Variants in SYT14 observed in about 807,000 individuals in gnomAD.
The protein encoded by SYT14 is synaptotagmin-14.
In SYT14, 32 loss-of-function variants were observed where a neutral mutation model predicts 74.2. The observed-to-expected ratio is 0.43, with a 90% confidence interval of 0.33 to 0.58. SYT14 has a LOEUF of 0.58. Among genes scored for constraint, SYT14 ranks in the 20% least tolerant of loss-of-function variants. The probability of loss-of-function intolerance (pLI) is 0.05; values close to 1 mark genes in which losing one functional copy is unlikely to be tolerated. For missense variants in SYT14, 791 were observed against 981.8 expected, an observed-to-expected ratio of 0.81 and a Z score of 2.60; for synonymous variants, 298 against 337.7, an observed-to-expected ratio of 0.88 and a Z score of 1.29.
exon 10 of SYT14, chr1:210,163,364 A>G (rs1194154130): frequency 2.2e-6 from 1 of 453,588 alleles, no homozygotes; most frequent in Non-Finnish European, 4.4e-6. Flanking sequence ...AAATTAATAA[A>G]CAGTTTTTTA....
intron 2 of SYT14, among the ~76,000 whole-genome samples, chr1:210,006,382 A>G (rs1315810385): frequency 6.6e-6 from 1 of 151,986 alleles, no homozygotes; most frequent in Non-Finnish European, 1.5e-5. Flanking sequence ...ATTATCTCTT[A>G]GAATTATGAA....
intron 7 of SYT14, among the ~76,000 whole-genome samples, chr1:210,115,518 G>A (rs970600721): frequency 2.7e-5 from 4 of 150,002 alleles, no homozygotes; most frequent in South Asian, 2.1e-4. Flanking sequence ...TCCAGAGTCC[G>A]TTACCAGCAC....
chr1:210,040,520 A>T (rs950956166), intron 5 of SYT14, among the ~76,000 whole-genome samples: 1 of 152,170 alleles, frequency 6.6e-6, no homozygotes, highest in Non-Finnish European at 1.5e-5. Flanking sequence ...TAATTTAAAA[A>T]AAAAAAAGAA....
chr1:210,064,399 A>G (rs1241388196), intron 5 of SYT14, among the ~76,000 whole-genome samples: 1 of 152,018 alleles, frequency 6.6e-6, no homozygotes, highest in Non-Finnish European at 1.5e-5. Context: ...TCCCAAATAG[A>G]AACTCTGCCT....
exon 10 of SYT14, chr1:210,163,465 CA>C (rs1367384671): frequency 2.2e-6 from 1 of 453,756 alleles, no homozygotes; most frequent in Admixed American, 2.4e-5. Context: ...TGTATACACA[CA>C]TGCACCATTA....
chr1:210,106,840 A>G (rs1055915744), intron 7 of SYT14, among the ~76,000 whole-genome samples: 6 of 152,138 alleles, frequency 3.9e-5, no homozygotes, highest in African/African-American at 1.4e-4. Context: ...CCTTCCCAAC[A>G]GTCCCCCAAA....
intron 2 of SYT14, among the ~76,000 whole-genome samples, chr1:209,979,405 A>G (rs1456867608): frequency 6.6e-6 from 1 of 151,848 alleles, no homozygotes; most frequent in Non-Finnish European, 1.5e-5. Context: ...GTTATGGATG[A>G]GATGGTTTTC....
intron 5 of SYT14, among the ~76,000 whole-genome samples, chr1:210,065,923 G>T (rs1185355170): frequency 7.0e-6 from 1 of 142,872 alleles, no homozygotes; most frequent in Non-Finnish European, 1.5e-5. Flanking sequence ...TCCCCTTCCT[G>T]TGTCCATGTG....
At chr1:210,154,124 T>A (rs1046540493) in intron 7 of SYT14, among the ~76,000 whole-genome samples, 1 of 152,212 alleles carries the variant, frequency 6.6e-6, no homozygotes, top group African/African-American at 2.4e-5. Flanking sequence ...TTGTTTTGTA[T>A]GTGTATTTTG....
At chr1:210,112,474 C>A (rs2082281950) in intron 7 of SYT14, among the ~76,000 whole-genome samples, 1 of 151,414 alleles carries the variant, frequency 6.6e-6, no homozygotes, top group Admixed American at 6.6e-5. Context: ...GAAGGAGATA[C>A]TTTCCTTGGT....
At chr1:210,057,413 G>A (rs2081120562) in intron 5 of SYT14, among the ~76,000 whole-genome samples, 1 of 152,144 alleles carries the variant, frequency 6.6e-6, no homozygotes, top group Admixed American at 6.5e-5. Flanking sequence ...CTCCTGCCAT[G>A]AAGTTTTCTT....
At chr1:210,110,996 G>T (rs2082251448) in intron 7 of SYT14, among the ~76,000 whole-genome samples, 1 of 152,126 alleles carries the variant, frequency 6.6e-6, no homozygotes, top group African/African-American at 2.4e-5. Context: ...TGCCTGCCTT[G>T]GTCTCCCAGA....
intron 2 of SYT14, among the ~76,000 whole-genome samples, chr1:209,968,197 AC>A (rs1312799878): frequency 6.6e-6 from 1 of 152,112 alleles, no homozygotes; most frequent in East Asian, 1.9e-4. Flanking sequence ...ATTGACTGAG[AC>A]CTTGTTTTCT....
intron 7 of SYT14, among the ~76,000 whole-genome samples, chr1:210,117,203 T>C (rs1309528058): frequency 1.3e-5 from 2 of 152,168 alleles, no homozygotes; most frequent in Non-Finnish European, 2.9e-5. Flanking sequence ...AAATAGCCTA[T>C]CTTTTATGTT....
exon 10 of SYT14, chr1:210,160,748 T>G: frequency 3.7e-6 from 6 of 1,613,894 alleles, no homozygotes; most frequent in Non-Finnish European, 5.1e-6. Flanking sequence ...TTAAGTTAAC[T>G]CTACTGAATT....
chr1:209,957,967 C>G (rs1467701559), intron 2 of SYT14, among the ~76,000 whole-genome samples: 8 of 151,802 alleles, frequency 5.3e-5, no homozygotes. Flanking sequence ...CTCTGTCTTT[C>G]TAGTGCTTTT....
chr1:210,020,113 T>A (rs1274670367), intron 4 of SYT14, among the ~76,000 whole-genome samples: 1 of 152,178 alleles, frequency 6.6e-6, no homozygotes, highest in Non-Finnish European at 1.5e-5. Flanking sequence ...GTATATATAT[T>A]TTTCAAATGG....
intron 2 of SYT14, among the ~76,000 whole-genome samples, chr1:209,994,089 A>G (rs940209448): frequency 6.6e-6 from 1 of 152,188 alleles, no homozygotes; most frequent in African/African-American, 2.4e-5. Context: ...TCAAAAAGCC[A>G]AAGTGTCCCC....
chr1:209,963,610 A>G (rs2079110115), intron 2 of SYT14, among the ~76,000 whole-genome samples: 1 of 152,170 alleles, frequency 6.6e-6, no homozygotes, highest in South Asian at 2.1e-4. Context: ...TCATGAGGAG[A>G]AAAAATATCT....
Sources: allele counts gnomAD v4.1 joint callset (sites outside exome capture counted in the v4.1 genomes callset), GRCh38; gene constraint gnomAD v4.1.1; transcripts MANE v1.5; gene names NCBI Gene and HGNC (gene_info 2026-07-23, HGNC 2026-07-21).